The following ICA1 variants were observed in gnomAD, a reference collection of about 807,000 sequenced individuals.
ICA1 encodes the protein 69 kDa islet cell autoantigen.
Under a neutral mutation model 71.0 loss-of-function variants are expected in ICA1, and 40 were observed. The ratio of observed to expected loss-of-function variants is 0.56; its 90% confidence interval spans 0.44 to 0.73. The LOEUF is 0.73. Ranked by LOEUF, ICA1 falls within the 30% of genes least tolerant of loss-of-function variation. The pLI is 0.00. For synonymous variants in ICA1, 207 were observed against 209.5 expected, an observed-to-expected ratio of 0.99 and a Z score of 0.10; for missense variants, 578 against 576.5, an observed-to-expected ratio of 1.00 and a Z score of -0.03.
chr7:8,259,882 C>A (rs1202134350), intron 1 of ICA1, among the ~76,000 whole-genome samples: 1 of 151,994 alleles, frequency 6.6e-6, no homozygotes, highest in East Asian at 1.9e-4. Context: ...AGGCAGATTG[C>A]GAATGGTGGT....
At chr7:8,174,186 G>A (rs1172380260) in intron 6 of ICA1, among the ~76,000 whole-genome samples, 1 of 152,094 alleles carries the variant, frequency 6.6e-6, no homozygotes, top group Admixed American at 6.5e-5. Flanking sequence ...TCTAGGAAAT[G>A]TGGTCAGTCT....
chr7:8,177,807 T>C (rs948560333), intron 6 of ICA1, among the ~76,000 whole-genome samples: 2 of 152,252 alleles, frequency 1.3e-5, no homozygotes, highest in Non-Finnish European at 2.9e-5. Context: ...ATTTATTCAC[T>C]CTATAGTGGG....
intron 3 of ICA1, 144 bp from the exon 4 acceptor site, chr7:8,228,817 T>C (rs1799418887): frequency 6.5e-6 from 3 of 460,316 alleles, no homozygotes; most frequent in Non-Finnish European, 3.8e-6. Flanking sequence ...CGGTGTACTA[T>C]ACAGAAACTG....
intron 6 of ICA1, among the ~76,000 whole-genome samples, chr7:8,215,219 G>A (rs1178412370): frequency 6.6e-6 from 1 of 152,026 alleles, no homozygotes; most frequent in Non-Finnish European, 1.5e-5. Flanking sequence ...CCCATGGTCA[G>A]GGCACCCCCA....
At chr7:8,143,724 G>A (rs991533715) in intron 9 of ICA1, 151 bp downstream of exon 9, 1 of 592,450 alleles carries the variant, frequency 1.7e-6, no homozygotes, top group African/African-American at 1.9e-5. Flanking sequence ...ATGCGTTAAA[G>A]GGGTTTGGCT....
chr7:8,172,372 T>C (rs62433172), intron 6 of ICA1, among the ~76,000 whole-genome samples: 19,880 of 152,184 alleles, frequency 0.13, 1,517 homozygotes, highest in East Asian at 0.29. Context: ...TATGTTTTTG[T>C]CTGATATGAA....
At chr7:8,259,556 T>C (rs534373075) in intron 1 of ICA1, among the ~76,000 whole-genome samples, 1 of 152,378 alleles carries the variant, frequency 6.6e-6, no homozygotes, top group African/African-American at 2.4e-5. Context: ...AAATAATTTA[T>C]TACTACTGAG....
Position 8,132,071 on chromosome 7 carries a change from C to T in ICA1, c.1061-3929G>A, listed in dbSNP as rs1034465046. Among the ~76,000 whole-genome samples, 54 of 152,316 alleles carry T rather than the reference C, an allele frequency of 3.5e-4. 1 individual carries two copies. Among genetic ancestry groups the T allele is most frequent in the African/African-American group, 1.3e-3 (52 of 41,556 alleles). ...TTCACTCTCTTGCAGGCTCCCAAGT[C>T]TCTGTGTTTACTTGCTTACCAGATA... On this transcript the variant is annotated intron_variant, in intron 12 of 13. Transcript: ENST00000402384. This position sits in a 1 kb window ranked among gnomAD's most constrained non-coding sequence, Gnocchi z 4.5.
At chr7:8,121,644 G>A (rs899338487) in intron 13 of ICA1, among the ~76,000 whole-genome samples, 1 of 152,132 alleles carries the variant, frequency 6.6e-6, no homozygotes, top group African/African-American at 2.4e-5. Context: ...TGGTTAGTGG[G>A]TACAAAAATA....
At chr7:8,246,212 T>A (rs1486744637) in intron 1 of ICA1, among the ~76,000 whole-genome samples, 1 of 152,188 alleles carries the variant, frequency 6.6e-6, no homozygotes, top group Non-Finnish European at 1.5e-5. Flanking sequence ...CGCCAAGATA[T>A]TGTCACAGTC....
At chr7:8,206,157 T>C (rs527316800) in intron 6 of ICA1, among the ~76,000 whole-genome samples, 7 of 152,220 alleles carry the variant, frequency 4.6e-5, no homozygotes, top group South Asian at 2.1e-4. Context: ...CGGATAAGCA[T>C]AACTGCTTCT....
intron 6 of ICA1, among the ~76,000 whole-genome samples, chr7:8,168,446 G>A (rs572576068): frequency 3.3e-5 from 5 of 152,044 alleles, no homozygotes; most frequent in African/African-American, 9.7e-5. Context: ...CCAGACTCAG[G>A]TGTATTTGGT....
chr7:8,216,729 A>C (rs1256936875), intron 6 of ICA1, among the ~76,000 whole-genome samples: 2 of 152,200 alleles, frequency 1.3e-5, no homozygotes, highest in Non-Finnish European at 2.9e-5. Flanking sequence ...GGCCTTTTTC[A>C]ATTTTAGGTA....
intron 6 of ICA1, among the ~76,000 whole-genome samples, chr7:8,191,103 T>G (rs571041665): frequency 1.3e-5 from 2 of 152,336 alleles, no homozygotes; most frequent in East Asian, 3.9e-4. Flanking sequence ...CCATCGTTCC[T>G]GCCCTCCACT....
At chr7:8,199,939 G>A (rs886712710) in intron 6 of ICA1, among the ~76,000 whole-genome samples, 1 of 152,118 alleles carries the variant, frequency 6.6e-6, no homozygotes, top group African/African-American at 2.4e-5. Context: ...AAGGGAAGTC[G>A]GGATGGCTAA....
chr7:8,134,121 T>C (rs2128098398), intron 12 of ICA1, among the ~76,000 whole-genome samples: 1 of 152,240 alleles, frequency 6.6e-6, no homozygotes, highest in Middle Eastern at 3.4e-3. Context: ...GTCAGATGGC[T>C]CCACTGGCAG....
intron 3 of ICA1, among the ~76,000 whole-genome samples, chr7:8,230,427 T>C (rs963244325): frequency 6.6e-5 from 10 of 152,182 alleles, no homozygotes; most frequent in Admixed American, 2.6e-4. Context: ...CATTTTTGTA[T>C]ATTTCATGGA....
At chr7:8,152,683 T>TACCCC (rs1799539796) in intron 8 of ICA1, among the ~76,000 whole-genome samples, 1 of 47,880 alleles carries the variant, frequency 2.1e-5, no homozygotes, top group Non-Finnish European at 5.3e-5. Flanking sequence ...ATCTCCTTCA[T>TACCCC]CACCACTACC....
chr7:8,125,383 C>T (rs1408659480), intron 13 of ICA1, among the ~76,000 whole-genome samples: 1 of 152,204 alleles, frequency 6.6e-6, no homozygotes, highest in African/African-American at 2.4e-5. Flanking sequence ...GGCATATCCT[C>T]ACCTTAGGGC....
Sources: allele counts gnomAD v4.1 joint callset (sites outside exome capture counted in the v4.1 genomes callset), GRCh38; gene constraint gnomAD v4.1.1; non-coding constraint Gnocchi (gnomAD v3.1); transcripts MANE v1.5; gene names NCBI Gene and HGNC (gene_info 2026-07-23, HGNC 2026-07-21).